The following PAFAH1B2 variants were observed in gnomAD, a reference collection of about 807,000 sequenced individuals.
The protein encoded by PAFAH1B2 is platelet activating factor acetylhydrolase 1b catalytic subunit 2, also known as platelet-activating factor acetylhydrolase IB subunit alpha2.
Under a neutral mutation model 28.0 loss-of-function variants are expected in PAFAH1B2, and 8 were observed. The observed-to-expected ratio is 0.29, with a 90% CI of 0.17 to 0.52. The LOEUF is 0.52. Among genes scored for constraint, PAFAH1B2 ranks in the 20% least tolerant of loss-of-function variants. PAFAH1B2 has a pLI of 0.97. For synonymous variants in PAFAH1B2, 104 were observed against 103.2 expected, an observed-to-expected ratio of 1.01 and a Z score of -0.05; for missense variants, 190 against 282.6, an observed-to-expected ratio of 0.67 and a Z score of 2.35.
chr11:117,167,368 A>G, intron 5 of PAFAH1B2, 53 bp from the exon 6 acceptor site: 1 of 1,479,742 alleles, frequency 6.8e-7, no homozygotes, highest in Non-Finnish European at 9.0e-7. Flanking sequence ...ATAAATAATA[A>G]GTAGAGAAAA....
At chr11:117,172,353 TATATATA>T (rs1956667656), downstream of PAFAH1B2, among the ~76,000 whole-genome samples, 4 of 2,482 alleles carry the variant, frequency 1.6e-3, no homozygotes, top group African/African-American at 3.2e-3. Context: ...TAGCTTTATA[TATATATA>T]TATATATATA....
Position 117,170,160 on chromosome 11 carries a change from G to C in PAFAH1B2, c.*2461G>C. On this transcript the variant is annotated 3_prime_UTR_variant, in exon 6 of 6. Transcript: ENST00000527958. The stretch of plus-strand genomic sequence containing the variant: ...TAATCTATTTTTCTTTGACATCCTA[G>C]TTTGCGTCAGTGACAGAACTTACTG... The C allele has an allele frequency of 9.5e-7, 1 of 1,055,130 alleles. No homozygotes were observed. Among genetic ancestry groups the C allele is most frequent in the Non-Finnish European group, 1.1e-6 (1 of 873,034 alleles). The allele number at this position is 1,055,130 out of a possible 1,614,324, so 65.4% of individuals were successfully genotyped here.
chr11:117,177,475 C>A (rs146527087), downstream of PAFAH1B2, among the ~76,000 whole-genome samples: 2 of 152,092 alleles, frequency 1.3e-5, no homozygotes, highest in Non-Finnish European at 1.5e-5. Context: ...ATGTTTAGTA[C>A]AATTTTTTTC....
intron 1 of PAFAH1B2, among the ~76,000 whole-genome samples, chr11:117,150,498 T>C (rs947033173): frequency 4.6e-5 from 7 of 151,932 alleles, no homozygotes; most frequent in Admixed American, 1.3e-4. Flanking sequence ...TCTAGTATCA[T>C]TTAGAACTGA....
Position 117,170,174 on chromosome 11 carries a change from CAG to C in PAFAH1B2, c.*2477_*2478del. 9.5e-7 allele frequency: 1 copy of C among 1,055,774 alleles called. No individual in the cohort carries two copies. The highest frequency in any genetic ancestry group is 4.6e-5 in the South Asian group (1 of 21,844). 65.4% of individuals were successfully genotyped at this position (1,055,774 alleles called of 1,614,324 possible). On this transcript the variant is annotated 3_prime_UTR_variant, in exon 6 of 6. Transcript: ENST00000527958. ...TTGACATCCTAGTTTGCGTCAGTGA[CAG>C]AACTTACTGCTTAGTCTTTGTACTT...
At chr11:117,163,716 C>G (rs995635487) in intron 4 of PAFAH1B2, 54 bp from the exon 5 acceptor site, 3 of 1,549,118 alleles carry the variant, frequency 1.9e-6, no homozygotes, top group Non-Finnish European at 2.6e-6. Context: ...GTTGGACGTT[C>G]CTTTGTTCCT....
rs1371776729 is a variant in PAFAH1B2 at position 117,169,684 on chromosome 11, G to A, written c.*1985G>A. ...CATGGTGTTTACTAAACTTGTTTAC[G>A]ACATTAAAAATTTCCTTTTTATTTT... On this transcript the variant is annotated 3_prime_UTR_variant, in exon 6 of 6. Transcript: ENST00000527958. 2.8e-6 allele frequency: 3 copies of A among 1,054,716 alleles called. No individual in the cohort carries two copies. Among genetic ancestry groups the A allele is most frequent in the South Asian group, 4.6e-5 (1 of 21,856 alleles). 65.3% of individuals were successfully genotyped at this position (1,054,716 alleles called of 1,614,324 possible). A position where few individuals can be genotyped will look rare whatever the true frequency, so the allele number is the denominator to read the frequency against.
intron 1 of PAFAH1B2, among the ~76,000 whole-genome samples, chr11:117,148,063 T>G (rs1185959170): frequency 6.6e-6 from 1 of 151,102 alleles, no homozygotes; most frequent in African/African-American, 2.4e-5. Flanking sequence ...TTTCTTTTTT[T>G]TTTTTTTAGA....
intron 5 of PAFAH1B2, among the ~76,000 whole-genome samples, chr11:117,166,458 T>C (rs984708141): frequency 6.6e-6 from 1 of 152,224 alleles, no homozygotes; most frequent in Non-Finnish European, 1.5e-5. Flanking sequence ...ATAACCTAAA[T>C]AGTAGTATCA....
Position 117,168,782 on chromosome 11 carries a change from G to A in PAFAH1B2, c.*1083G>A. 3.0e-6 allele frequency: 3 copies of A among 993,708 alleles called. No homozygotes were observed. The highest frequency in any genetic ancestry group is 3.7e-6 in the Non-Finnish European group (3 of 820,472). 61.6% of individuals were successfully genotyped at this position (993,708 alleles called of 1,614,324 possible). On this transcript the variant is annotated 3_prime_UTR_variant, in exon 6 of 6. Coordinates refer to ENST00000527958, the MANE Select transcript of PAFAH1B2 (RefSeq NM_002572.4). ...GGTGTATATTTTATTTTTTTTATTG[G>A]CTTAGTTGTTTTTTGTTTTGTTTTG...
Position 117,170,924 on chromosome 11 carries a change from T to C in PAFAH1B2, c.*3225T>C. On this transcript the variant is annotated 3_prime_UTR_variant, in exon 6 of 6. Coordinates refer to ENST00000527958, the MANE Select transcript of PAFAH1B2 (RefSeq NM_002572.4). ...GGTGTTCCTGCTTGGGGATCACTGC[T>C]GCTAGCTGACTGGACCTCCCCATTG... 1.9e-6 allele frequency: 2 copies of C among 1,058,930 alleles called. No individual in the cohort carries two copies. The highest frequency in any genetic ancestry group is 2.3e-6 in the Non-Finnish European group (2 of 875,198). The allele number at this position is 1,058,930 out of a possible 1,614,324, so 65.6% of individuals were successfully genotyped here. A position where few individuals can be genotyped will look rare whatever the true frequency, so the allele number is the denominator to read the frequency against.
Position 117,148,143 on chromosome 11 carries a change from C to T in PAFAH1B2, c.-8+3725C>T, listed in dbSNP as rs190585722. Among the ~76,000 whole-genome samples the T allele has an allele frequency of 5.5e-3, 836 of 151,308 alleles. 8 individuals carry two copies. The highest frequency in any genetic ancestry group is 0.019 in the African/African-American group (783 of 41,142). On this transcript the variant is annotated intron_variant, in intron 1 of 5. Transcript: ENST00000527958. ...CTCTGCTCACTGCAACCTCCACCTCCTGGGTTCAAGAGATTCTCATGCCTC... is the reference window on the plus strand; with the variant it reads ...CTCTGCTCACTGCAACCTCCACCTCTTGGGTTCAAGAGATTCTCATGCCTC...
Position 117,168,444 on chromosome 11 carries a change from CCG to C in PAFAH1B2, c.*746_*747del. The C allele has an allele frequency of 6.8e-6, 3 of 438,200 alleles. No individual in the cohort carries two copies. Among genetic ancestry groups the C allele is most frequent in the Non-Finnish European group, 8.1e-6 (3 of 370,332 alleles). The allele number at this position is 438,200 out of a possible 1,614,324, so 27.1% of individuals were successfully genotyped here. A position where few individuals can be genotyped will look rare whatever the true frequency, so the allele number is the denominator to read the frequency against. On this transcript the variant is annotated 3_prime_UTR_variant, in exon 6 of 6. Transcript: ENST00000527958. The stretch of plus-strand genomic sequence containing the variant: ...TTTCCCCTTCATTCCCCCCGCCACC[CCG>C]TTTTTTTTTTTTTTTTTTTTTTTTT...
downstream of PAFAH1B2, among the ~76,000 whole-genome samples, chr11:117,177,380 T>C (rs748941599): frequency 2.0e-5 from 3 of 152,248 alleles, no homozygotes; most frequent in African/African-American, 7.2e-5. Context: ...ATACAATATG[T>C]GTTATTTTTA....
chr11:117,160,493 T>G (rs1956349626), intron 3 of PAFAH1B2, among the ~76,000 whole-genome samples: 1 of 152,254 alleles, frequency 6.6e-6, no homozygotes, highest in African/African-American at 2.4e-5. Context: ...TTTTTTAATT[T>G]ATTTTTTTGA....
intron 2 of PAFAH1B2, among the ~76,000 whole-genome samples, chr11:117,153,611 A>G (rs902650553): frequency 2.0e-5 from 3 of 152,044 alleles, no homozygotes; most frequent in Non-Finnish European, 2.9e-5. Flanking sequence ...GGCTGGTTTC[A>G]AACTCCTGAC....
At position 117,168,446 on chromosome 11, in the gene PAFAH1B2, G is replaced by GTTT. The variant is rs71469127; in HGVS notation, c.*770_*772dup. On this transcript the variant is annotated 3_prime_UTR_variant, in exon 6 of 6. Coordinates refer to ENST00000527958, the MANE Select transcript of PAFAH1B2 (RefSeq NM_002572.4). ...TCCCCTTCATTCCCCCCGCCACCCC[G>GTTT]TTTTTTTTTTTTTTTTTTTTTTTTT... 1,437 of 234,438 alleles carry GTTT rather than the reference G, an allele frequency of 6.1e-3. 8 individuals are homozygous for GTTT. Among genetic ancestry groups the GTTT allele is most frequent in the Admixed American group, 0.017 (24 of 1,392 alleles). 14.5% of individuals were successfully genotyped at this position (234,438 alleles called of 1,614,324 possible).
In PAFAH1B2 at chr11:117,167,858, T is replaced by C; in HGVS notation, c.*159T>C. On this transcript the variant is annotated 3_prime_UTR_variant, in exon 6 of 6. Coordinates refer to ENST00000527958, the MANE Select transcript of PAFAH1B2 (RefSeq NM_002572.4). ...GGGGAGGAGGGATTTAAACTGGTCC[T>C]GTACATAGAAGGTTTGTTTGACAGA... is the stretch of plus-strand genomic sequence containing the variant. 1 of 1,237,718 alleles carries C rather than the reference T, an allele frequency of 8.1e-7. No individual in the cohort carries two copies. Among genetic ancestry groups the C allele is most frequent in the Non-Finnish European group, 1.0e-6 (1 of 985,058 alleles). 76.7% of individuals were successfully genotyped at this position (1,237,718 alleles called of 1,614,324 possible).
At chr11:117,162,020 A>G (rs934273626) in intron 4 of PAFAH1B2, among the ~76,000 whole-genome samples, 1 of 152,192 alleles carries the variant, frequency 6.6e-6, no homozygotes, top group African/African-American at 2.4e-5. Flanking sequence ...ATGTGAACAA[A>G]TGAACATTTC....
Sources: gnomAD v4.1 joint callset for allele counts (sites outside exome capture counted in the v4.1 genomes callset) on GRCh38, gnomAD v4.1.1 for gene constraint, MANE v1.5 for transcripts, NCBI Gene and HGNC (gene_info 2026-07-23, HGNC 2026-07-21) for gene names.